The following USP53 variants were observed in gnomAD, a reference collection of about 807,000 sequenced individuals.
USP53 encodes ubiquitin specific peptidase 53.
USP53 carries 71 observed loss-of-function variants against 94.9 expected under a neutral mutation model. The observed-to-expected ratio is 0.75, with a 90% CI of 0.62 to 0.91. The LOEUF is 0.91. Among genes scored for constraint, USP53 ranks in the 40% least tolerant of loss-of-function variants. The pLI is 0.00. For synonymous variants in USP53, 375 were observed against 422.7 expected (o/e 0.89, Z 1.39); for missense variants, 1,173 against 1,281.0 (o/e 0.92, Z 1.29).
In USP53 at chr4:119,267,314, T is replaced by A. The variant is rs566391103; in HGVS notation, c.973-6T>A. The stretch of plus-strand genomic sequence containing the variant: ...TTTGTCTTTATTCATTGTGTTTTTT[T>A]AAAAGATTGGAACTAGATGGAAAGA... On this transcript the variant is annotated splice_region_variant and splice_polypyrimidine_tract_variant and intron_variant, in intron 12 of 18. Transcript: ENST00000692078. 5 of 1,611,196 alleles carry A rather than the reference T, an allele frequency of 3.1e-6. No homozygotes were observed. Among genetic ancestry groups the A allele is most frequent in the Admixed American group, 1.7e-5 (1 of 59,256 alleles).
intron 6 of USP53, among the ~76,000 whole-genome samples, chr4:119,247,506 C>G (rs1748408897): frequency 6.6e-6 from 1 of 152,164 alleles, no homozygotes; most frequent in Non-Finnish European, 1.5e-5. Flanking sequence ...GCATTCCTAT[C>G]CCCGTTACAC....
chr4:119,290,403 T>A (rs1009804123), intron 17 of USP53, among the ~76,000 whole-genome samples: 5 of 152,176 alleles, frequency 3.3e-5, no homozygotes, highest in Admixed American at 2.6e-4. Flanking sequence ...TAGGAAGCAT[T>A]ATGGCATCAT....
intron 3 of USP53, among the ~76,000 whole-genome samples, chr4:119,229,533 T>G (rs898300043): frequency 1.3e-5 from 2 of 152,204 alleles, no homozygotes; most frequent in African/African-American, 4.8e-5. Flanking sequence ...CTATAAATAC[T>G]ATTTGAGTTG....
chr4:119,221,784 G>T (rs1006968492), intron 3 of USP53, among the ~76,000 whole-genome samples: 1 of 152,170 alleles, frequency 6.6e-6, no homozygotes, highest in African/African-American at 2.4e-5. Context: ...GGCCAGAAAT[G>T]GATTCACAAG....
At chr4:119,229,319 T>C (rs1411911106) in intron 3 of USP53, among the ~76,000 whole-genome samples, 1 of 152,200 alleles carries the variant, frequency 6.6e-6, no homozygotes, top group Non-Finnish European at 1.5e-5. Context: ...ATGTCCTTTC[T>C]TTACCATTTC....
At chr4:119,226,989 C>T (rs573915331) in intron 3 of USP53, among the ~76,000 whole-genome samples, 1 of 151,818 alleles carries the variant, frequency 6.6e-6, no homozygotes, top group South Asian at 2.1e-4. Context: ...GCATGTGCCA[C>T]CATGCCCAGC....
At chr4:119,240,322 C>T in intron 5 of USP53, among the ~76,000 whole-genome samples, 1 of 152,046 alleles carries the variant, frequency 6.6e-6, no homozygotes, top group East Asian at 1.9e-4. Context: ...ACTCAAACTC[C>T]CTTCACCTCC....
At position 119,274,565 on chromosome 4, in the gene USP53, A is replaced by C. The variant is rs1752340185; in HGVS notation, c.2251+857A>C. 3.3e-5 allele frequency among the ~76,000 whole-genome samples: 5 copies of C among 152,070 alleles called. No homozygotes were observed. The South Asian group carries it at 1.0e-3, about 32-fold the overall frequency. On this transcript the variant is annotated intron_variant, in intron 17 of 18. Coordinates refer to ENST00000692078, the MANE Select transcript of USP53 (RefSeq NM_001371395.1). ...AATGCCGCAATAAACATACGTGTACATGTGTCTTTATAGCAGCATGATTTA... is the reference window on the plus strand; with the variant it reads ...AATGCCGCAATAAACATACGTGTACCTGTGTCTTTATAGCAGCATGATTTA...
intron 6 of USP53, among the ~76,000 whole-genome samples, chr4:119,248,054 G>T (rs2149348008): frequency 6.6e-6 from 1 of 152,206 alleles, no homozygotes; most frequent in South Asian, 2.1e-4. Flanking sequence ...TTGGTGGGCT[G>T]TCATTGAAAA....
intron 7 of USP53, among the ~76,000 whole-genome samples, chr4:119,249,339 A>G (rs970754254): frequency 3.3e-5 from 5 of 152,154 alleles, no homozygotes; most frequent in African/African-American, 1.2e-4. Flanking sequence ...GTTGAAAATC[A>G]CTGAGGTTGA....
Position 119,292,709 on chromosome 4 carries a change from C to A in USP53, c.2720C>A (p.Ser907Tyr). The change falls in exon 19 of 19, where the codon TCT (serine) becomes TAT (tyrosine). Residue 907 changes from serine to tyrosine, a missense_variant. Coordinates refer to ENST00000692078, the MANE Select transcript of USP53 (RefSeq NM_001371395.1). The stretch of plus-strand genomic sequence containing the variant: ...TGTATAATTCGGTCAGCCAGCAGAT[C>A]TGATGGGTGTCAGATGCCAAAACTT... ...TECIIRSASR[S>Y]DGCQMPKLFC... is the part of the protein sequence containing the mutation. The A allele has an allele frequency of 6.2e-7, 1 of 1,614,100 alleles. No individual in the cohort carries two copies. The highest frequency in any genetic ancestry group is 8.5e-7 in the Non-Finnish European group (1 of 1,179,984).
chr4:119,227,276 C>G (rs1287542879), intron 3 of USP53, among the ~76,000 whole-genome samples: 2 of 150,976 alleles, frequency 1.3e-5, no homozygotes, highest in East Asian at 3.9e-4. Flanking sequence ...CACACACACA[C>G]ACACACACAC....
intron 3 of USP53, among the ~76,000 whole-genome samples, chr4:119,228,315 T>C (rs1293558694): frequency 6.6e-6 from 1 of 152,212 alleles, no homozygotes; most frequent in African/African-American, 2.4e-5. Context: ...TCTCTCATGT[T>C]GAGGCCCCCT....
rs973859792 is a variant in USP53, at chr4:119,293,666, C to T, written c.*455C>T. Reference sequence around the variant, plus strand: ...AGTACTCATGTATGGAGATTATAAACTATGCTAATTGAAAAGTACCAGGTG... The same window carrying T: ...AGTACTCATGTATGGAGATTATAAATTATGCTAATTGAAAAGTACCAGGTG... On this transcript the variant is annotated 3_prime_UTR_variant, in exon 19 of 19. Transcript: ENST00000692078. 2 of 152,846 alleles carry T rather than the reference C, an allele frequency of 1.3e-5. No individual in the cohort carries two copies. Among genetic ancestry groups the T allele is most frequent in the Admixed American group, 1.3e-4 (2 of 15,298 alleles). 9.5% of individuals were successfully genotyped at this position (152,846 alleles called of 1,614,324 possible). A position where few individuals can be genotyped will look rare whatever the true frequency, so the allele number is the denominator to read the frequency against.
intron 5 of USP53, among the ~76,000 whole-genome samples, chr4:119,242,326 T>A (rs866899000): frequency 3.3e-5 from 5 of 152,142 alleles, no homozygotes; most frequent in Admixed American, 1.3e-4. Context: ...TGGAAGCAGT[T>A]TGATCATTTT....
At chr4:119,267,869 C>T (rs974281719) in intron 13 of USP53, among the ~76,000 whole-genome samples, 1 of 152,118 alleles carries the variant, frequency 6.6e-6, no homozygotes, top group African/African-American at 2.4e-5. Context: ...ACTTTTTTTA[C>T]AGTTAAAAAT....
At chr4:119,287,452 A>C (rs1028782884) in intron 17 of USP53, among the ~76,000 whole-genome samples, 12 of 152,114 alleles carry the variant, frequency 7.9e-5, no homozygotes, top group African/African-American at 2.9e-4. Context: ...TCAAATATAG[A>C]TTATTTTTCC....
chr4:119,245,084 A>C (rs1748042858), intron 5 of USP53, among the ~76,000 whole-genome samples: 1 of 152,084 alleles, frequency 6.6e-6, no homozygotes, highest in Non-Finnish European at 1.5e-5. Context: ...TCCCTGCTCC[A>C]TGCTTGTCAT....
At chr4:119,248,977 C>T (rs2149350674) in intron 7 of USP53, 95 bp downstream of exon 7, 1 of 1,498,374 alleles carries the variant, frequency 6.7e-7, no homozygotes, top group Non-Finnish European at 9.0e-7. Context: ...AAATTTAGAA[C>T]AATAGAAAAA....
Sources: allele counts gnomAD v4.1 joint callset (sites outside exome capture counted in the v4.1 genomes callset), GRCh38; gene constraint gnomAD v4.1.1; transcripts MANE v1.5; gene names NCBI Gene and HGNC (gene_info 2026-07-23, HGNC 2026-07-21).